Variants in PTDSS1 observed in about 807,000 individuals in gnomAD.
PTDSS1 encodes phosphatidylserine synthase 1.
PTDSS1 carries 45 observed loss-of-function variants against 70.5 expected under a neutral mutation model. The ratio of observed to expected loss-of-function variants is 0.64; its 90% CI spans 0.50 to 0.82. PTDSS1 has a LOEUF of 0.82. Among genes scored for constraint, PTDSS1 ranks in the 40% least tolerant of loss-of-function variants. The pLI is 0.00. For missense variants in PTDSS1, 417 were observed against 586.1 expected, an observed-to-expected ratio of 0.71 and a Z score of 2.98; for synonymous variants, 188 against 203.8, an observed-to-expected ratio of 0.92 and a Z score of 0.66.
intron 9 of PTDSS1, among the ~76,000 whole-genome samples, chr8:96,313,680 C>CTGCAT (rs1554585413): frequency 6.6e-6 from 1 of 152,168 alleles, no homozygotes; most frequent in African/African-American, 2.4e-5. Flanking sequence ...GGGCCCAGGG[C>CTGCAT]TGCATCCTGC....
At chr8:96,278,873 A>T (rs1478622110) in intron 2 of PTDSS1, among the ~76,000 whole-genome samples, 2 of 152,062 alleles carry the variant, frequency 1.3e-5, no homozygotes, top group Non-Finnish European at 2.9e-5. Context: ...TCATGAATAT[A>T]TGCTGAATTA....
intron 5 of PTDSS1, among the ~76,000 whole-genome samples, chr8:96,296,266 G>C (rs1810975069): frequency 6.6e-6 from 1 of 150,376 alleles, no homozygotes; most frequent in African/African-American, 2.4e-5. Flanking sequence ...AGCCTCCCGA[G>C]TAGCTGGAAC....
At chr8:96,282,168 A>G (rs1055574448) in intron 2 of PTDSS1, among the ~76,000 whole-genome samples, 2 of 152,252 alleles carry the variant, frequency 1.3e-5, no homozygotes, top group Non-Finnish European at 2.9e-5. Flanking sequence ...AGTAATATTT[A>G]CAAGCCAGGC....
chr8:96,290,864 A>C (rs1810893003), intron 4 of PTDSS1, among the ~76,000 whole-genome samples: 1 of 147,804 alleles, frequency 6.8e-6, no homozygotes, highest in African/African-American at 2.5e-5. Flanking sequence ...ATATTATATA[A>C]TATAAATATT....
chr8:96,272,538 G>A (rs1335802531), intron 1 of PTDSS1, among the ~76,000 whole-genome samples: 1 of 152,122 alleles, frequency 6.6e-6, no homozygotes, highest in African/African-American at 2.4e-5. Context: ...AGATAGCTTG[G>A]CTTGGGGGAA....
intron 10 of PTDSS1, among the ~76,000 whole-genome samples, chr8:96,323,357 G>A (rs1811398039): frequency 1.3e-5 from 2 of 152,208 alleles, no homozygotes; most frequent in South Asian, 4.1e-4. Context: ...CTGCCCCTGT[G>A]GCAGGTTTTT....
rs10529330 is a variant in PTDSS1, at chr8:96,317,878, AGTGT to A, written c.1074-2329_1074-2326del. Among the ~76,000 whole-genome samples, 1,138 of 139,934 alleles carry A rather than the reference AGTGT, an allele frequency of 8.1e-3. 13 individuals carry two copies. The highest frequency in any genetic ancestry group is 0.062 in the East Asian group (256 of 4,102). 91.8% of individuals were successfully genotyped at this position (139,934 alleles called of 152,430 possible). A position where few individuals can be genotyped will look rare whatever the true frequency, so the allele number is the denominator to read the frequency against. On this transcript the variant is annotated intron_variant, in intron 9 of 12. Coordinates refer to ENST00000517309, the MANE Select transcript of PTDSS1 (RefSeq NM_014754.3). Reference sequence around the variant, plus strand: ...AATTGTCTTATGAAGCTTTTGTTTCAGTGTGTGTGTGTGTGTGTGTGTGTGTGTG... The same window carrying A: ...AATTGTCTTATGAAGCTTTTGTTTCAGTGTGTGTGTGTGTGTGTGTGTGTG...
rs771034385 is a variant in PTDSS1 at position 96,330,220 on chromosome 8, C to T, written c.1181C>T (p.Thr394Ile). The part of the protein sequence containing the change: ...VVLWLLCVAF[T>I]TFLCLYGMIW... The stretch of plus-strand genomic sequence containing the variant: ...TTTGTTTTTCTCTTCCAGGCTTTCA[C>T]CACTTTCCTCTGTCTGTACGGCATG... The change falls in exon 11 of 13, where the codon ACC becomes ATC. Residue 394 changes from threonine (T) to isoleucine (I), a missense_variant. Coordinates refer to ENST00000517309, the MANE Select transcript of PTDSS1 (RefSeq NM_014754.3). 1 of 1,612,740 alleles carries T rather than the reference C, an allele frequency of 6.2e-7. No individual in the cohort carries two copies. The highest frequency in any genetic ancestry group is 1.1e-5 in the South Asian group (1 of 91,050).
chr8:96,291,405 A>G (rs1221700668), intron 4 of PTDSS1, among the ~76,000 whole-genome samples: 4 of 150,232 alleles, frequency 2.7e-5, no homozygotes, highest in Non-Finnish European at 5.9e-5. Context: ...ATCCTGGAAT[A>G]TTTTGAAACA....
At chr8:96,264,128 A>G (rs1011040917) in intron 1 of PTDSS1, among the ~76,000 whole-genome samples, 1 of 152,244 alleles carries the variant, frequency 6.6e-6, no homozygotes, top group Non-Finnish European at 1.5e-5. Context: ...GAAATGAATC[A>G]TGTCCCTAAC....
In PTDSS1 at chr8:96,335,559, T is replaced by C. The variant is rs1811583577; in HGVS notation, c.*1993T>C. 1 of 152,270 alleles carries C rather than the reference T, an allele frequency of 6.6e-6. No individual in the cohort carries two copies. The highest frequency in any genetic ancestry group is 1.5e-5 in the Non-Finnish European group (1 of 68,042). The allele number at this position is 152,270 out of a possible 1,614,324, so 9.4% of individuals were successfully genotyped here. A position where few individuals can be genotyped will look rare whatever the true frequency, so the allele number is the denominator to read the frequency against. ...CTGTTTCGCAGGTGGTGAATTCGAC[T>C]TTACTGTGGCATTGTGAAGAGCAGG... On this transcript the variant is annotated 3_prime_UTR_variant, in exon 13 of 13. Transcript: ENST00000517309.
chr8:96,283,185 C>T (rs1486182338), intron 2 of PTDSS1, among the ~76,000 whole-genome samples: 1 of 152,184 alleles, frequency 6.6e-6, no homozygotes, highest in Non-Finnish European at 1.5e-5. Context: ...GCATGATTGT[C>T]ACTGCAAAAT....
chr8:96,311,497 T>C lies in PTDSS1; in HGVS notation c.1073+1875T>C, dbSNP rs943367748. Among the ~76,000 whole-genome samples, 4 of 152,156 alleles carry C rather than the reference T, an allele frequency of 2.6e-5. No individual in the cohort carries two copies. In the South Asian group the frequency reaches 8.3e-4, roughly 32 times the overall value. The stretch of plus-strand genomic sequence containing the variant: ...GAAGTCAACCATTTAGAGATAATCA[T>C]TGTTAATATTTTAATGTCATTCCTT... On this transcript the variant is annotated intron_variant, in intron 9 of 12. Transcript: ENST00000517309.
In PTDSS1 at chr8:96,304,166, C is replaced by A; in HGVS notation, c.879C>A (p.Phe293Leu). The change falls in exon 7 of 13, where the codon TTC becomes TTA. Residue 293 changes from phenylalanine (F) to leucine (L), a missense_variant. Phe to Leu is a conservative substitution (Grantham distance 22). Coordinates refer to ENST00000517309, the MANE Select transcript of PTDSS1 (RefSeq NM_014754.3). ...SFQRVAGVYL[F>L]MIIWQLTELN... ...AGAGAGTAGCTGGAGTGTACCTTTT[C>A]ATGATCATCTGGCAGGTATTTTTTC... 1 of 1,607,688 alleles carries A rather than the reference C, an allele frequency of 6.2e-7. No homozygotes were observed. The highest frequency in any genetic ancestry group is 8.5e-7 in the Non-Finnish European group (1 of 1,178,492).
chr8:96,326,234 C>A (rs927835961), intron 10 of PTDSS1, among the ~76,000 whole-genome samples: 1 of 152,266 alleles, frequency 6.6e-6, no homozygotes, highest in South Asian at 2.1e-4. Flanking sequence ...GAAACTGATA[C>A]CCCAAAACCA....
chr8:96,282,586 T>C (rs927823236), intron 2 of PTDSS1, among the ~76,000 whole-genome samples: 3 of 152,180 alleles, frequency 2.0e-5, no homozygotes, highest in African/African-American at 7.2e-5. Flanking sequence ...AAACTCACCA[T>C]CCGAACTGCC....
Position 96,335,642 on chromosome 8 carries a change from C to G in PTDSS1, c.*2076C>G, listed in dbSNP as rs1030611246. 44 of 152,340 alleles carry G rather than the reference C, an allele frequency of 2.9e-4. No homozygotes were observed. Among genetic ancestry groups the G allele is most frequent in the African/African-American group, 1.0e-3 (43 of 41,570 alleles). 9.4% of individuals were successfully genotyped at this position (152,340 alleles called of 1,614,324 possible). On this transcript the variant is annotated 3_prime_UTR_variant, in exon 13 of 13. Transcript: ENST00000517309. ...TGTAAGAAACAGCCAGGAAAGTTCT[C>G]AGATACTTTCCATGCCCTTTCTTTG...
In PTDSS1 at chr8:96,273,331, G is replaced by A. The variant is rs548182662; in HGVS notation, c.212G>A (p.Arg71Lys). 2.5e-6 allele frequency: 4 copies of A among 1,612,136 alleles called. No individual in the cohort carries two copies. The South Asian group carries it at 4.4e-5, about 18-fold the overall frequency. The change falls in exon 2 of 13, where the codon AGA (arginine) becomes AAA (lysine). Residue 71 changes from arginine (R) to lysine (K), a missense_variant. Coordinates refer to ENST00000517309, the MANE Select transcript of PTDSS1 (RefSeq NM_014754.3). ...DDSVPEDNIW[R>K]GILSVIFFFL... ...TCTGTTCCAGAAGACAACATCTGGAGAGGCATCCTCTCTGTTATTTTCTTC... is the reference window on the plus strand; with the variant it reads ...TCTGTTCCAGAAGACAACATCTGGAAAGGCATCCTCTCTGTTATTTTCTTC...
intron 12 of PTDSS1, among the ~76,000 whole-genome samples, chr8:96,331,303 A>G (rs1483207913): frequency 6.6e-6 from 1 of 151,756 alleles, no homozygotes; most frequent in African/African-American, 2.4e-5. Flanking sequence ...TGAGGTGGGC[A>G]GATCACTTGA....
Sources: allele counts gnomAD v4.1 joint callset (sites outside exome capture counted in the v4.1 genomes callset), GRCh38; gene constraint gnomAD v4.1.1; transcripts MANE v1.5; gene names NCBI Gene and HGNC (gene_info 2026-07-23, HGNC 2026-07-21).